CNTNAP2: variants seen among roughly 807,000 people sequenced by gnomAD.
CNTNAP2 encodes the protein contactin associated protein 2.
A neutral mutation model predicts 155.2 loss-of-function variants in CNTNAP2; 98 were observed. That is an observed-to-expected ratio of 0.63 (90% CI 0.54 to 0.75). The LOEUF (loss-of-function observed/expected upper bound fraction) is 0.75. CNTNAP2 is among the 30% of genes least tolerant of loss of function. The probability of loss-of-function intolerance (pLI) is 0.00; values close to 1 mark genes in which losing one functional copy is unlikely to be tolerated. For synonymous variants in CNTNAP2, 651 were observed against 631.2 expected (o/e 1.03, Z -0.47); for missense variants, 1,727 against 1,688.1 (o/e 1.02, Z -0.40).
intron 3 of CNTNAP2, among the ~76,000 whole-genome samples, chr7:146,984,165 C>G (rs1029734042): frequency 6.6e-6 from 1 of 151,804 alleles, no homozygotes; most frequent in African/African-American, 2.4e-5. Flanking sequence ...GTCGGGAGTT[C>G]GAGACCAGCC....
intron 1 of CNTNAP2, among the ~76,000 whole-genome samples, chr7:146,429,682 T>A (rs966683420): frequency 6.6e-5 from 10 of 152,152 alleles, no homozygotes; most frequent in Non-Finnish European, 1.0e-4. Flanking sequence ...ACAAAAATAA[T>A]TTGATTTCTT....
At chr7:147,671,057 C>T (rs945843599) in intron 13 of CNTNAP2, among the ~76,000 whole-genome samples, 1 of 152,242 alleles carries the variant, frequency 6.6e-6, no homozygotes, top group Non-Finnish European at 1.5e-5. Context: ...CGGCTCCTGC[C>T]TCCACTTACC....
At chr7:147,537,033 G>A (rs1799553875) in intron 11 of CNTNAP2, among the ~76,000 whole-genome samples, 1 of 152,082 alleles carries the variant, frequency 6.6e-6, no homozygotes, top group African/African-American at 2.4e-5. Flanking sequence ...TTTCCTGCCT[G>A]CTCTATTCCA....
intron 8 of CNTNAP2, among the ~76,000 whole-genome samples, chr7:147,163,349 C>G (rs1376302304): frequency 6.6e-6 from 1 of 152,156 alleles, no homozygotes; most frequent in African/African-American, 2.4e-5. Context: ...AATAACACAG[C>G]ACCAATTACT....
At chr7:147,433,565 A>C (rs891231602) in intron 10 of CNTNAP2, among the ~76,000 whole-genome samples, 4 of 152,344 alleles carry the variant, frequency 2.6e-5, no homozygotes, top group African/African-American at 9.6e-5. Context: ...TTGATGACTG[A>C]GGAGGACAAG....
At chr7:147,302,775 T>G (rs934943678) in intron 9 of CNTNAP2, among the ~76,000 whole-genome samples, 3 of 152,236 alleles carry the variant, frequency 2.0e-5, no homozygotes, top group Non-Finnish European at 2.9e-5. Context: ...TTGGGATGCA[T>G]GAGAATTAGC....
chr7:146,712,993 A>G (rs1338782682), intron 1 of CNTNAP2, among the ~76,000 whole-genome samples: 1 of 151,998 alleles, frequency 6.6e-6, no homozygotes, highest in African/African-American at 2.4e-5. Flanking sequence ...ATTTATTGCC[A>G]GAGATGAAAT....
chr7:147,667,424 A>C (rs1332686048), intron 13 of CNTNAP2, among the ~76,000 whole-genome samples: 2 of 152,292 alleles, frequency 1.3e-5, no homozygotes, highest in East Asian at 3.9e-4. Context: ...GCAGGCTACA[A>C]ATAGAAACTT....
At chr7:147,237,683 G>A (rs74356287) in intron 8 of CNTNAP2, among the ~76,000 whole-genome samples, 11,452 of 152,200 alleles carry the variant, frequency 0.075, 629 homozygotes, top group Non-Finnish European at 0.11. Flanking sequence ...AAGAATAATG[G>A]CTGAATCCAC....
At chr7:147,341,747 C>T (rs990298045) in intron 9 of CNTNAP2, among the ~76,000 whole-genome samples, 30 of 135,148 alleles carry the variant, frequency 2.2e-4, no homozygotes, top group Middle Eastern at 3.6e-3. Context: ...CTAATCTAGG[C>T]TATCACACAC....
At chr7:148,262,688 C>T (rs1279202915) in intron 20 of CNTNAP2, among the ~76,000 whole-genome samples, 1 of 152,086 alleles carries the variant, frequency 6.6e-6, no homozygotes, top group African/African-American at 2.4e-5. Flanking sequence ...CAGGAGAATT[C>T]CCCTATTATC....
At chr7:146,780,658 G>A (rs1416577155) in intron 2 of CNTNAP2, among the ~76,000 whole-genome samples, 1 of 152,062 alleles carries the variant, frequency 6.6e-6, no homozygotes, top group Admixed American at 6.5e-5. Context: ...TAAAGAAAAT[G>A]TGGGACATAT....
chr7:147,218,974 C>T (rs990586872), intron 8 of CNTNAP2, among the ~76,000 whole-genome samples: 1 of 152,144 alleles, frequency 6.6e-6, no homozygotes, highest in Non-Finnish European at 1.5e-5. Flanking sequence ...AACAATACCA[C>T]AGACTAATTT....
chr7:146,913,710 C>G (rs1465785199), intron 3 of CNTNAP2, among the ~76,000 whole-genome samples: 2 of 152,124 alleles, frequency 1.3e-5, no homozygotes, highest in African/African-American at 2.4e-5. Flanking sequence ...CCCAAAGCCC[C>G]TCTCCTAATG....
chr7:147,638,901 A>T (rs781685580), intron 12 of CNTNAP2: 8 of 675,916 alleles, frequency 1.2e-5, no homozygotes, highest in Non-Finnish European at 1.9e-5. Context: ...TGTTTTCAAT[A>T]AAAATATTAC....
chr7:147,930,023 G>A (rs771066597), intron 14 of CNTNAP2, among the ~76,000 whole-genome samples: 6 of 152,054 alleles, frequency 3.9e-5, no homozygotes, highest in Non-Finnish European at 8.8e-5. Context: ...TCACTCGCCC[G>A]CCTCACCTCC....
At chr7:147,310,341 G>A (rs895678941) in intron 9 of CNTNAP2, among the ~76,000 whole-genome samples, 5 of 151,968 alleles carry the variant, frequency 3.3e-5, no homozygotes, top group Non-Finnish European at 5.9e-5. Context: ...TTAACCCTGC[G>A]GCCATTTACC....
At chr7:146,778,126 A>G (rs1459251999) in intron 2 of CNTNAP2, among the ~76,000 whole-genome samples, 1 of 152,208 alleles carries the variant, frequency 6.6e-6, no homozygotes, top group African/African-American at 2.4e-5. Context: ...GTAACCTACT[A>G]ATTATACAAA....
chr7:146,736,068 C>A (rs867712209), intron 1 of CNTNAP2, among the ~76,000 whole-genome samples: 14 of 151,926 alleles, frequency 9.2e-5, no homozygotes, highest in East Asian at 1.9e-4. Flanking sequence ...AATAAAAAAA[C>A]CACACAAATA....
Sources: allele counts gnomAD v4.1 joint callset (sites outside exome capture counted in the v4.1 genomes callset), GRCh38; gene constraint gnomAD v4.1.1; transcripts MANE v1.5; gene names NCBI Gene and HGNC (gene_info 2026-07-23, HGNC 2026-07-21).